The following NIPAL2 variants were observed in gnomAD, a reference collection of about 807,000 sequenced individuals.
NIPAL2 encodes NIPA like domain containing 2, also known as NIPA-like protein 2.
A neutral mutation model predicts 48.9 loss-of-function variants in NIPAL2; 43 were observed. That is an observed-to-expected ratio of 0.88 (90% CI 0.69 to 1.13). NIPAL2 has a LOEUF of 1.13. Among genes scored for constraint, NIPAL2 ranks in the 50% most tolerant of loss-of-function variants. The pLI is 0.00. For missense variants in NIPAL2, 446 were observed against 461.4 expected (o/e 0.97, Z 0.31); for synonymous variants, 167 against 174.6 (o/e 0.96, Z 0.34).
intron 4 of NIPAL2, among the ~76,000 whole-genome samples, chr8:98,229,135 C>G (rs910250552): frequency 3.9e-5 from 6 of 152,158 alleles, no homozygotes; most frequent in Non-Finnish European, 7.3e-5. Context: ...CCATCCTCTG[C>G]CCTCATGCCC....
chr8:98,272,412 G>A (rs1192874165), intron 1 of NIPAL2, among the ~76,000 whole-genome samples: 1 of 152,020 alleles, frequency 6.6e-6, no homozygotes, highest in African/African-American at 2.4e-5. Context: ...CTGAGGTGTG[G>A]AAAAAGGAAG....
intron 6 of NIPAL2, among the ~76,000 whole-genome samples, chr8:98,207,343 T>C (rs1302062062): frequency 3.3e-5 from 5 of 152,236 alleles, no homozygotes; most frequent in African/African-American, 9.6e-5. Flanking sequence ...TGCACAATTG[T>C]CAACTGATTA....
intron 1 of NIPAL2, among the ~76,000 whole-genome samples, chr8:98,285,834 C>A (rs1425389659): frequency 6.6e-6 from 1 of 152,214 alleles, no homozygotes. Flanking sequence ...ACTCCTCTTG[C>A]AAGCTAAAGA....
Position 98,235,402 on chromosome 8 carries a change from T to A in NIPAL2, c.436+753A>T, listed in dbSNP as rs1812653012. Among the ~76,000 whole-genome samples the A allele has an allele frequency of 2.6e-5, 4 of 152,372 alleles. No individual in the cohort carries two copies. The South Asian group carries it at 8.3e-4, about 32-fold the overall frequency. On this transcript the variant is annotated intron_variant, in intron 4 of 10. Transcript: ENST00000430223. ...TACAGCCAGGAAGGCTACTGTCATT[T>A]TCCATTAATAACTGTATTTCCAAAT...
At chr8:98,199,653 C>T (rs370676022) in intron 8 of NIPAL2, among the ~76,000 whole-genome samples, 6 of 152,048 alleles carry the variant, frequency 3.9e-5, no homozygotes, top group Middle Eastern at 3.4e-3. Context: ...CACAGATCAC[C>T]GTAACAGATA....
intron 1 of NIPAL2, among the ~76,000 whole-genome samples, chr8:98,276,069 A>G (rs1815441565): frequency 6.6e-6 from 1 of 152,184 alleles, no homozygotes; most frequent in Non-Finnish European, 1.5e-5. Context: ...CATTTGTTAC[A>G]TTTCATGAGC....
At chr8:98,291,409 C>T (rs1203352253) in intron 1 of NIPAL2, among the ~76,000 whole-genome samples, 1 of 152,180 alleles carries the variant, frequency 6.6e-6, no homozygotes, top group Non-Finnish European at 1.5e-5. Context: ...AACCATCCAG[C>T]TCAAATACCA....
At chr8:98,267,325 T>TC (rs1814832972) in intron 1 of NIPAL2, among the ~76,000 whole-genome samples, 1 of 151,640 alleles carries the variant, frequency 6.6e-6, no homozygotes, top group Non-Finnish European at 1.5e-5. Context: ...TATTCTATTT[T>TC]CCTTTTTTTT....
At chr8:98,291,193 CA>C (rs1223926074) in intron 1 of NIPAL2, among the ~76,000 whole-genome samples, 42 of 152,126 alleles carry the variant, frequency 2.8e-4, no homozygotes, top group African/African-American at 9.7e-4. Flanking sequence ...TGACTATATC[CA>C]AGACCCCAAA....
intron 5 of NIPAL2, chr8:98,217,193 T>C (rs1811621094): frequency 1.0e-6 from 1 of 985,338 alleles, no homozygotes; most frequent in Admixed American, 6.1e-5. Flanking sequence ...TTCCTTCCTT[T>C]CTTTTCTGTA....
At chr8:98,199,014 T>C (rs1293054982) in intron 8 of NIPAL2, among the ~76,000 whole-genome samples, 4 of 151,546 alleles carry the variant, frequency 2.6e-5, no homozygotes, top group African/African-American at 9.7e-5. Flanking sequence ...TGGAGTGCAA[T>C]GGTGCCATCT....
intron 1 of NIPAL2, among the ~76,000 whole-genome samples, chr8:98,268,207 TAC>T (rs1309082870): frequency 6.6e-6 from 1 of 152,218 alleles, no homozygotes. Flanking sequence ...TATCAAAGGA[TAC>T]CCTATACTAT....
In NIPAL2 at chr8:98,294,022, T is replaced by C. The variant is rs2130933938; in HGVS notation, c.116A>G (p.Asp39Gly). 6.7e-7 allele frequency: 1 copy of C among 1,494,400 alleles called. No homozygotes were observed. The highest frequency in any genetic ancestry group is 2.3e-5 in the Admixed American group (1 of 43,632). The allele number at this position is 1,494,400 out of a possible 1,614,324, so 92.6% of individuals were successfully genotyped here. The change falls in exon 1 of 11, where the codon GAC becomes GGC. Residue 39 changes from aspartate to glycine, a missense_variant. Asp to Gly is a moderately conservative substitution (Grantham distance 94, BLOSUM62 -1). Coordinates refer to ENST00000430223, the MANE Select transcript of NIPAL2 (RefSeq NM_001321635.2). Reference protein sequence around the residue: ...PGAGNGSLSGDWYRRNQIHLF... With the variant: ...PGAGNGSLSGGWYRRNQIHLF... The stretch of plus-strand genomic sequence containing the variant: ...CCTTACCTGGTTCCTGCGGTACCAG[T>C]CGCCCGAGAGGGAGCCGTTGCCGGC...
chr8:98,229,890 T>C (rs558216036), intron 4 of NIPAL2, among the ~76,000 whole-genome samples: 1 of 152,346 alleles, frequency 6.6e-6, no homozygotes, highest in Admixed American at 6.5e-5. Flanking sequence ...TGATTTACCT[T>C]TGTGTTATTA....
intron 4 of NIPAL2, among the ~76,000 whole-genome samples, chr8:98,229,959 C>G (rs899577465): frequency 6.6e-5 from 10 of 152,068 alleles, no homozygotes; most frequent in Admixed American, 1.3e-4. Flanking sequence ...AATATGAATA[C>G]TATATAATGT....
At chr8:98,256,646 A>C (rs979983918) in intron 1 of NIPAL2, among the ~76,000 whole-genome samples, 5 of 151,330 alleles carry the variant, frequency 3.3e-5, no homozygotes, top group East Asian at 3.9e-4. Flanking sequence ...AAAAAAAGAG[A>C]AAAGAAGTGT....
At chr8:98,221,014 C>T (rs751049360) in intron 5 of NIPAL2, among the ~76,000 whole-genome samples, 20 of 109,504 alleles carry the variant, frequency 1.8e-4, no homozygotes, top group Non-Finnish European at 2.6e-4. Context: ...TTGCTCTTGT[C>T]GCCCAGACTG....
chr8:98,236,450 G>C (rs1052165621), intron 3 of NIPAL2, among the ~76,000 whole-genome samples: 1 of 152,090 alleles, frequency 6.6e-6, no homozygotes, highest in East Asian at 1.9e-4. Flanking sequence ...TATAGTGAAG[G>C]CTTAATAAAA....
intron 1 of NIPAL2, among the ~76,000 whole-genome samples, chr8:98,264,687 TGAAAATGG>T (rs1485141017): frequency 1.3e-5 from 2 of 150,664 alleles, no homozygotes; most frequent in African/African-American, 4.9e-5. Flanking sequence ...ATCAATATCG[TGAAAATGG>T]CCATACTGCC....
Sources: gnomAD v4.1 joint callset for allele counts (sites outside exome capture counted in the v4.1 genomes callset) on GRCh38, gnomAD v4.1.1 for gene constraint, MANE v1.5 for transcripts, NCBI Gene and HGNC (gene_info 2026-07-23, HGNC 2026-07-21) for gene names.